CTNND2: variants seen among roughly 807,000 people sequenced by gnomAD.
The protein encoded by CTNND2 is catenin delta 2, also known as catenin delta-2.
Under a neutral mutation model 144.4 loss-of-function variants are expected in CTNND2, and 22 were observed. The observed-to-expected ratio is 0.15, with a 90% CI of 0.11 to 0.22. CTNND2 has a LOEUF of 0.22. CTNND2 is among the 10% of genes least tolerant of loss of function. The pLI, the probability that CTNND2 is intolerant of heterozygous loss-of-function variation, is 1.00. For missense variants in CTNND2, 1,353 were observed against 1,618.8 expected (o/e 0.84, Z 2.82); for synonymous variants, 751 against 695.6 (o/e 1.08, Z -1.25).
At chr5:11,585,799 G>A (rs963464397) in intron 2 of CTNND2, among the ~76,000 whole-genome samples, 1 of 152,194 alleles carries the variant, frequency 6.6e-6, no homozygotes. Flanking sequence ...CAGAAAAGAT[G>A]GGGAAGAATG....
intron 16 of CTNND2, among the ~76,000 whole-genome samples, chr5:11,036,968 C>A (rs186214400): frequency 8.2e-4 from 125 of 152,248 alleles, no homozygotes; most frequent in Middle Eastern, 6.8e-3. Flanking sequence ...AAAATATGAG[C>A]ATTATGATTA....
intron 1 of CTNND2, among the ~76,000 whole-genome samples, chr5:11,872,432 G>C (rs1272240758): frequency 1.3e-5 from 2 of 152,060 alleles, no homozygotes; most frequent in Non-Finnish European, 1.5e-5. Flanking sequence ...TGGTATTTCT[G>C]CTTCTAGATC....
chr5:11,064,139 T>C (rs1012996181), intron 16 of CTNND2, among the ~76,000 whole-genome samples: 24 of 152,102 alleles, frequency 1.6e-4, no homozygotes, highest in Non-Finnish European at 1.0e-4. Context: ...CTTAGGCATT[T>C]ATAGGAAGGT....
intron 1 of CTNND2, among the ~76,000 whole-genome samples, chr5:11,823,614 T>C (rs989943608): frequency 6.6e-6 from 1 of 152,198 alleles, no homozygotes; most frequent in Non-Finnish European, 1.5e-5. Flanking sequence ...TATGCTATAC[T>C]TTTTTATATA....
At chr5:11,123,165 G>C (rs1361501730) in intron 12 of CTNND2, among the ~76,000 whole-genome samples, 1 of 152,164 alleles carries the variant, frequency 6.6e-6, no homozygotes, top group Admixed American at 6.5e-5. Flanking sequence ...CCAGGCACAA[G>C]CTTCTCTTAG....
At chr5:11,394,470 C>A (rs1759894860) in intron 6 of CTNND2, among the ~76,000 whole-genome samples, 1 of 152,164 alleles carries the variant, frequency 6.6e-6, no homozygotes, top group Non-Finnish European at 1.5e-5. Context: ...TGCAGCATAG[C>A]TGAGCAGAGT....
chr5:11,483,936 T>G (rs1768536969), intron 3 of CTNND2, among the ~76,000 whole-genome samples: 1 of 152,148 alleles, frequency 6.6e-6, no homozygotes, highest in Middle Eastern at 3.2e-3. Context: ...GACAAGTGAC[T>G]CAGGTGGGAG....
chr5:11,382,611 G>A (rs755223789), intron 7 of CTNND2, among the ~76,000 whole-genome samples: 2,765 of 149,528 alleles, frequency 0.018, 44 homozygotes, highest in East Asian at 0.043. Flanking sequence ...GTGTGTGTGT[G>A]TGTGTGTGTG....
intron 1 of CTNND2, among the ~76,000 whole-genome samples, chr5:11,799,639 AT>A (rs1448373198): frequency 1.3e-5 from 2 of 152,204 alleles, no homozygotes; most frequent in Non-Finnish European, 2.9e-5. Context: ...ATTATGAAAT[AT>A]CCCCCCCTTG....
At chr5:11,480,043 T>C (rs183958926) in intron 3 of CTNND2, among the ~76,000 whole-genome samples, 2 of 152,338 alleles carry the variant, frequency 1.3e-5, no homozygotes, top group East Asian at 3.9e-4. Context: ...TTTGCTTTTG[T>C]TGTGATTGCT....
intron 2 of CTNND2, among the ~76,000 whole-genome samples, chr5:11,719,789 A>G (rs1338554350): frequency 2.0e-5 from 3 of 150,346 alleles, no homozygotes; most frequent in African/African-American, 7.3e-5. Flanking sequence ...AACATCTAGG[A>G]CTTCGCTACT....
chr5:11,504,462 T>C (rs1353068944), intron 3 of CTNND2, among the ~76,000 whole-genome samples: 1 of 152,220 alleles, frequency 6.6e-6, no homozygotes, highest in East Asian at 1.9e-4. Context: ...CCTGCTTCAG[T>C]TGAGAATCCT....
In CTNND2 at chr5:11,159,695, T is replaced by C; in HGVS notation, c.2040A>G (p.Ala680=). 1.2e-6 allele frequency: 2 copies of C among 1,612,464 alleles called. No individual in the cohort carries two copies. Among genetic ancestry groups the C allele is most frequent in the Non-Finnish European group, 1.7e-6 (2 of 1,179,342 alleles). ...LKMPIIQDAL[A]VLTNAVIIPH... is the part of the protein sequence containing the mutation. Reference sequence around the variant, plus strand: ...GGATAATCACCGCGTTGGTCAGTACTGCTAGGGCATCCTGGATGATTGGCA... The same window carrying C: ...GGATAATCACCGCGTTGGTCAGTACCGCTAGGGCATCCTGGATGATTGGCA... The change falls in exon 12 of 22, where the codon GCA becomes GCG. Residue 680 remains alanine (A), a synonymous_variant. Coordinates refer to ENST00000304623, the MANE Select transcript of CTNND2 (RefSeq NM_001332.4).
chr5:11,592,263 C>T (rs532700930), intron 2 of CTNND2, among the ~76,000 whole-genome samples: 421 of 150,354 alleles, frequency 2.8e-3, no homozygotes, highest in Non-Finnish European at 5.0e-3. Flanking sequence ...TGCCTTCCTG[C>T]CTTCCTGTCT....
intron 16 of CTNND2, among the ~76,000 whole-genome samples, chr5:11,024,736 G>A (rs1364850915): frequency 6.6e-6 from 1 of 152,172 alleles, no homozygotes; most frequent in Non-Finnish European, 1.5e-5. Flanking sequence ...GAATTTGGCT[G>A]TAGCATTTTT....
chr5:10,990,430 C>T (rs1003739826), intron 19 of CTNND2, among the ~76,000 whole-genome samples: 6 of 152,188 alleles, frequency 3.9e-5, no homozygotes, highest in African/African-American at 1.2e-4. Flanking sequence ...GCTGGTTCCT[C>T]GCTAACCTCT....
chr5:11,712,939 G>A lies in CTNND2; in HGVS notation c.174+19197C>T, dbSNP rs544063530. Among the ~76,000 whole-genome samples the A allele has an allele frequency of 2.6e-5, 4 of 152,224 alleles. No individual in the cohort carries two copies. The East Asian group carries it at 7.7e-4, about 29-fold the overall frequency. ...GCACACAAAAGCAGAGGTATTTTTT[G>A]ATAATATAGTCATTCATAGTATCCT... On this transcript the variant is annotated intron_variant, in intron 2 of 21. Coordinates refer to ENST00000304623, the MANE Select transcript of CTNND2 (RefSeq NM_001332.4).
chr5:11,103,877 T>A (rs1394251659), intron 14 of CTNND2, among the ~76,000 whole-genome samples: 2 of 152,202 alleles, frequency 1.3e-5, no homozygotes, highest in African/African-American at 4.8e-5. Context: ...ATCCTGCAAC[T>A]GCCCTAGTCT....
intron 2 of CTNND2, chr5:11,589,029 A>G: frequency 1.0e-6 from 1 of 985,446 alleles, no homozygotes; most frequent in Non-Finnish European, 1.2e-6. Flanking sequence ...TTTAAAAGAA[A>G]GCAAAGCAAG....
Sources: gnomAD v4.1 joint callset for allele counts (sites outside exome capture counted in the v4.1 genomes callset) on GRCh38, gnomAD v4.1.1 for gene constraint, MANE v1.5 for transcripts, NCBI Gene and HGNC (gene_info 2026-07-23, HGNC 2026-07-21) for gene names.